The following PRKCZ variants were observed in gnomAD, a reference collection of about 807,000 sequenced individuals.
PRKCZ encodes protein kinase C zeta type.
A neutral mutation model predicts 79.5 loss-of-function variants in PRKCZ; 33 were observed. The observed-to-expected ratio is 0.41, with a 90% CI of 0.31 to 0.55. PRKCZ has a LOEUF of 0.55. Ranked by LOEUF, PRKCZ falls within the 20% of genes least tolerant of loss-of-function variation. PRKCZ has a pLI of 0.19. For missense variants in PRKCZ, 578 were observed against 813.5 expected (o/e 0.71, Z 3.52); for synonymous variants, 342 against 320.9 (o/e 1.07, Z -0.70).
At chr1:2,135,421 G>C in intron 5 of PRKCZ, 74 bp downstream of exon 5, 3 of 1,367,456 alleles carry the variant, frequency 2.2e-6, no homozygotes, top group Non-Finnish European at 3.0e-6. Flanking sequence ...GAGGAGGGGA[G>C]GCACGTCCCG....
chr1:2,136,244 A>C (rs1256980906), intron 5 of PRKCZ, among the ~76,000 whole-genome samples: 1 of 151,564 alleles, frequency 6.6e-6, no homozygotes, highest in Non-Finnish European at 1.5e-5. Context: ...CATGTGAGCC[A>C]CTCCTCCTGC....
intron 4 of PRKCZ, among the ~76,000 whole-genome samples, chr1:2,103,610 G>A (rs150922663): frequency 4.6e-4 from 70 of 152,234 alleles, no homozygotes; most frequent in Admixed American, 9.2e-4. Context: ...GGCTGGGCAC[G>A]GTGGCGCGTG....
At chr1:2,146,393 C>G (rs370163012) in intron 7 of PRKCZ, among the ~76,000 whole-genome samples, 22 of 152,342 alleles carry the variant, frequency 1.4e-4, no homozygotes, top group African/African-American at 5.3e-4. Context: ...GCCTCTTCCT[C>G]TAACCAGCTC....
At chr1:2,098,712 C>T (rs552577767) in intron 4 of PRKCZ, among the ~76,000 whole-genome samples, 11 of 152,212 alleles carry the variant, frequency 7.2e-5, no homozygotes, top group South Asian at 2.1e-4. Flanking sequence ...GACAGAGTCT[C>T]GCTCTGTCGC....
intron 10 of PRKCZ, among the ~76,000 whole-genome samples, chr1:2,166,112 G>A (rs1683271214): frequency 6.6e-6 from 1 of 152,166 alleles, no homozygotes; most frequent in African/African-American, 2.4e-5. Flanking sequence ...CTTCACGTTT[G>A]TGTATTTGAT....
At chr1:2,108,176 G>C (rs1232377081) in intron 4 of PRKCZ, among the ~76,000 whole-genome samples, 2 of 152,158 alleles carry the variant, frequency 1.3e-5, no homozygotes, top group Non-Finnish European at 2.9e-5. Context: ...GTACCCGTGT[G>C]ATCTCTGGGT....
intron 9 of PRKCZ, among the ~76,000 whole-genome samples, 169 bp from the exon 10 acceptor site, chr1:2,155,826 G>A (rs1680927290): frequency 6.6e-6 from 1 of 151,998 alleles, no homozygotes; most frequent in African/African-American, 2.4e-5. Context: ...GAGGTGGGGT[G>A]GATGGTGACA....
chr1:2,150,652 G>A (rs977220452), intron 8 of PRKCZ, 138 bp from the exon 9 acceptor site: 24 of 838,602 alleles, frequency 2.9e-5, no homozygotes, highest in African/African-American at 6.9e-5. Flanking sequence ...TATGTGGGAC[G>A]CAGAACTGAG....
At chr1:2,057,480 G>A (rs1208141975) in intron 3 of PRKCZ, among the ~76,000 whole-genome samples, 1 of 152,200 alleles carries the variant, frequency 6.6e-6, no homozygotes, top group Non-Finnish European at 1.5e-5. Context: ...AACCACCCAT[G>A]GATTTCTGAC....
At chr1:2,063,342 T>G (rs979450544) in intron 4 of PRKCZ, among the ~76,000 whole-genome samples, 2 of 152,254 alleles carry the variant, frequency 1.3e-5, no homozygotes, top group African/African-American at 4.8e-5. Context: ...AGATAGCGTC[T>G]CGCTCTGTCG....
Position 2,097,717 on chromosome 1 carries a change from C to T in PRKCZ, c.335-37545C>T, listed in dbSNP as rs191264285. Among the ~76,000 whole-genome samples, 211 of 152,348 alleles carry T rather than the reference C, an allele frequency of 1.4e-3. 3 individuals are homozygous for T. Among genetic ancestry groups the T allele is most frequent in the South Asian group, 0.011 (55 of 4,824 alleles). The stretch of plus-strand genomic sequence containing the variant: ...GGCCCGTGCCAGGGGGGCCCAGGCT[C>T]CTGGGGACAGTGGCCCAGGACTTGG... On this transcript the variant is annotated intron_variant, in intron 4 of 17. Transcript: ENST00000378567.
intron 1 of PRKCZ, chr1:2,050,944 C>T (rs928475318): frequency 3.0e-5 from 11 of 370,008 alleles, no homozygotes; most frequent in Middle Eastern, 6.8e-4. Context: ...GCCGCGAGCT[C>T]CTCGGCCCGG....
intron 4 of PRKCZ, among the ~76,000 whole-genome samples, chr1:2,078,953 C>T (rs1219374134): frequency 6.6e-6 from 1 of 151,974 alleles, no homozygotes; most frequent in Non-Finnish European, 1.5e-5. Flanking sequence ...GGCCATTCTC[C>T]TGCCTCAGCC....
At chr1:2,055,409 G>C in intron 1 of PRKCZ, 32 bp from the exon 2 acceptor site, 2 of 1,568,300 alleles carry the variant, frequency 1.3e-6, no homozygotes, top group Non-Finnish European at 8.7e-7. Context: ...TATGCCCCAC[G>C]GTAACAGATG....
At chr1:2,074,107 C>A in intron 4 of PRKCZ, 1 of 1,507,280 alleles carries the variant, frequency 6.6e-7, no homozygotes, top group Non-Finnish European at 8.9e-7. Flanking sequence ...GCTGGTGCCA[C>A]GGCCCGGGGA....
intron 4 of PRKCZ, among the ~76,000 whole-genome samples, chr1:2,087,570 G>A (rs1451657200): frequency 6.6e-6 from 1 of 152,152 alleles, no homozygotes; most frequent in South Asian, 2.1e-4. Context: ...GGTTTTTAAT[G>A]ATGCTCTTAT....
intron 4 of PRKCZ, among the ~76,000 whole-genome samples, chr1:2,096,776 A>T (rs1325798954): frequency 6.6e-6 from 1 of 152,102 alleles, no homozygotes; most frequent in East Asian, 1.9e-4. Context: ...CCTCTAGCCG[A>T]GGTCAGGGGC....
chr1:2,107,690 C>T (rs897404914), intron 4 of PRKCZ, among the ~76,000 whole-genome samples: 5 of 152,134 alleles, frequency 3.3e-5, no homozygotes, highest in Admixed American at 6.5e-5. Flanking sequence ...TCAGGACTGC[C>T]GAAATCCCCT....
In PRKCZ at chr1:2,068,966, C is replaced by T. The variant is rs147482260; in HGVS notation, c.334+9375C>T. Among the ~76,000 whole-genome samples, 811 of 152,310 alleles carry T rather than the reference C, an allele frequency of 5.3e-3. 9 individuals carry two copies. Among genetic ancestry groups the T allele is most frequent in the African/African-American group, 0.019 (775 of 41,544 alleles). ...CTCTAAGAAGGGAGGCCTGGGTGGG[C>T]AGCCTCCCCTCAGAGTTGGGGAAAC... is the stretch of plus-strand genomic sequence containing the variant. On this transcript the variant is annotated intron_variant, in intron 4 of 17. Transcript: ENST00000378567.
Sources: allele counts gnomAD v4.1 joint callset (sites outside exome capture counted in the v4.1 genomes callset), GRCh38; gene constraint gnomAD v4.1.1; transcripts MANE v1.5; gene names NCBI Gene and HGNC (gene_info 2026-07-23, HGNC 2026-07-21).